NF1: variants seen among roughly 807,000 people sequenced by gnomAD.
NF1 encodes the protein neurofibromin 1, also known as neurofibromin.
Under a neutral mutation model 325.7 loss-of-function variants are expected in NF1, and 122 were observed. The ratio of observed to expected loss-of-function variants is 0.37; its 90% confidence interval spans 0.32 to 0.44. The LOEUF (loss-of-function observed/expected upper bound fraction) is 0.44, where lower values mean the gene tolerates loss of function less well. Ranked by LOEUF, NF1 falls within the 20% of genes least tolerant of loss-of-function variation. NF1 has a pLI of 1.00. For synonymous variants in NF1, 1,091 were observed against 1,186.0 expected (o/e 0.92, Z 1.65); for missense variants, 2,140 against 3,415.4 (o/e 0.63, Z 9.31).
Position 31,210,715 on chromosome 17 carries a change from A to G in NF1, c.1393-3736A>G, listed in dbSNP as rs542881697. 3.3e-5 allele frequency among the ~76,000 whole-genome samples: 5 copies of G among 152,370 alleles called. No homozygotes were observed. In the South Asian group the frequency reaches 1.0e-3, roughly 32 times the overall value. Reference sequence around the variant, plus strand: ...GATCTGATGTTAGTGATACAGATATAATACTATGATGTAATAATTGATAAA... The same window carrying G: ...GATCTGATGTTAGTGATACAGATATGATACTATGATGTAATAATTGATAAA... On this transcript the variant is annotated intron_variant, in intron 12 of 57. Coordinates refer to ENST00000358273, the MANE Select transcript of NF1 (RefSeq NM_001042492.3).
Position 31,173,876 on chromosome 17 carries a change from G to A in NF1, c.586+3879G>A, listed in dbSNP as rs193040977. Among the ~76,000 whole-genome samples, 413 of 152,294 alleles carry A rather than the reference G, an allele frequency of 2.7e-3. 3 individuals carry two copies. Among genetic ancestry groups the A allele is most frequent in the African/African-American group, 9.6e-3 (400 of 41,562 alleles). On this transcript the variant is annotated intron_variant, in intron 5 of 57. Transcript: ENST00000358273. ...TTATGGTATATAACACATTTAAGATGTCATAAAGGTAAAGTTGTTGCTAAA... is the reference window on the plus strand; with the variant it reads ...TTATGGTATATAACACATTTAAGATATCATAAAGGTAAAGTTGTTGCTAAA...
At chr17:31,279,151 G>A (rs1210527144) in intron 36 of NF1, among the ~76,000 whole-genome samples, 1 of 152,088 alleles carries the variant, frequency 6.6e-6, no homozygotes, top group East Asian at 1.9e-4. Context: ...GGAAGCTGAG[G>A]CAAGTAGATC....
At chr17:31,344,771 TTATATC>T (rs2069927161) in intron 48 of NF1, among the ~76,000 whole-genome samples, 1 of 152,246 alleles carries the variant, frequency 6.6e-6, no homozygotes, top group African/African-American at 2.4e-5. Flanking sequence ...TAATTATTCT[TTATATC>T]TAAAAGAATA....
Position 31,357,046 on chromosome 17 carries a change from G to A in NF1, c.7825G>A (p.Val2609Ile), listed in dbSNP as rs786203848. The A allele has an allele frequency of 2.5e-6, 4 of 1,613,806 alleles. No individual in the cohort carries two copies. Among genetic ancestry groups the A allele is most frequent in the Non-Finnish European group, 3.4e-6 (4 of 1,179,956 alleles). The change falls in exon 53 of 58, where the codon GTA becomes ATA. Residue 2609 changes from valine (V) to isoleucine (I), a missense_variant. Val to Ile is a conservative substitution (Grantham distance 29, BLOSUM62 3). This residue lies in a region of NF1 where 522 missense variants were observed against 749.0 expected (regional missense o/e 0.70). Coordinates refer to ENST00000358273, the MANE Select transcript of NF1 (RefSeq NM_001042492.3). ...ATCAAATGTTCTCTTGGATGAAGAAGTACTTACTGATCCGAAGATCCAGGC... is the reference window on the plus strand; with the variant it reads ...ATCAAATGTTCTCTTGGATGAAGAAATACTTACTGATCCGAAGATCCAGGC... ...SESNVLLDEE[V>I]LTDPKIQALL...
At chr17:31,122,109 G>T (rs1914488472) in intron 1 of NF1, among the ~76,000 whole-genome samples, 1 of 152,076 alleles carries the variant, frequency 6.6e-6, no homozygotes, top group South Asian at 2.1e-4. Flanking sequence ...AGTGTTTCCT[G>T]GTAGTGATAT....
At chr17:31,116,792 C>T (rs561300733) in intron 1 of NF1, among the ~76,000 whole-genome samples, 8 of 149,744 alleles carry the variant, frequency 5.3e-5, no homozygotes, top group East Asian at 4.0e-4. Context: ...CTCAGCCTCC[C>T]GAGTAGCTGG....
At chr17:31,106,702 A>T (rs925186197) in intron 1 of NF1, among the ~76,000 whole-genome samples, 1 of 152,198 alleles carries the variant, frequency 6.6e-6, no homozygotes, top group Non-Finnish European at 1.5e-5. Flanking sequence ...TAAGCATTAT[A>T]TATCCTTGAT....
At chr17:31,357,460 A>C in intron 54 of NF1, 91 bp downstream of exon 54, 1 of 959,906 alleles carries the variant, frequency 1.0e-6, no homozygotes, top group Non-Finnish European at 1.7e-6. Context: ...CAAAGAGGGC[A>C]AAATGAGATA....
chr17:31,250,146 A>G (rs1422355784), intron 30 of NF1: 1 of 351,222 alleles, frequency 2.8e-6, no homozygotes. Context: ...ATGATAAAAC[A>G]TACTTAACCT....
At chr17:31,117,672 C>CA (rs780828438) in intron 1 of NF1, among the ~76,000 whole-genome samples, 345 of 19,814 alleles carry the variant, frequency 0.017, 40 homozygotes, top group African/African-American at 0.028. Flanking sequence ...AACTCCATCT[C>CA]AAAAAAAAAA....
chr17:31,140,626 C>T (rs575235083), intron 1 of NF1, among the ~76,000 whole-genome samples: 2 of 152,284 alleles, frequency 1.3e-5, no homozygotes, highest in South Asian at 4.1e-4. Flanking sequence ...GATGAAATCA[C>T]TTCATAAAGG....
chr17:31,221,998 A>G lies in NF1; in HGVS notation c.1721+69A>G, dbSNP rs767159641. The stretch of plus-strand genomic sequence containing the variant: ...TTTGTATTTTTGTCTTGAAATATTA[A>G]CTCTGTAGTACTTAGTACATTGTAA... On this transcript the variant is annotated intron_variant, in intron 15 of 57. Coordinates refer to ENST00000358273, the MANE Select transcript of NF1 (RefSeq NM_001042492.3). 6.7e-7 allele frequency: 1 copy of G among 1,484,730 alleles called. No individual in the cohort carries two copies. 92.0% of individuals were successfully genotyped at this position (1,484,730 alleles called of 1,614,324 possible). A position where few individuals can be genotyped will look rare whatever the true frequency, so the allele number is the denominator to read the frequency against.
rs545724856 is a variant in NF1 at position 31,229,882 on chromosome 17, T to C, written c.2898T>C (p.Ala966=). The change falls in exon 22 of 58, where the codon GCT becomes GCC. Residue 966 remains alanine (A), a synonymous_variant. Coordinates refer to ENST00000358273, the MANE Select transcript of NF1 (RefSeq NM_001042492.3). ...TNTQFVEQTI[A]IMKNLLDNHT... is the part of the protein sequence containing the mutation. The stretch of plus-strand genomic sequence containing the variant: ...CTCAATTTGTAGAACAAACCATAGC[T>C]ATAATGAAGAACTTGCTAGATAATC... The C allele has an allele frequency of 6.2e-7, 1 of 1,611,842 alleles. No homozygotes were observed. The highest frequency in any genetic ancestry group is 1.7e-5 in the Admixed American group (1 of 60,012).
intron 1 of NF1, among the ~76,000 whole-genome samples, chr17:31,118,498 T>C (rs926654344): frequency 3.3e-5 from 5 of 152,068 alleles, no homozygotes; most frequent in African/African-American, 1.2e-4. Flanking sequence ...TGTCCATGTG[T>C]TTTCATTGCT....
At chr17:31,125,983 A>G (rs1224290478) in intron 1 of NF1, among the ~76,000 whole-genome samples, 2 of 152,186 alleles carry the variant, frequency 1.3e-5, no homozygotes, top group Admixed American at 6.5e-5. Flanking sequence ...ACACCTGTTC[A>G]AGGCCAGCCT....
intron 1 of NF1, chr17:31,137,171 ATC>A (rs1250323956): frequency 6.6e-6 from 1 of 151,946 alleles, no homozygotes; most frequent in Non-Finnish European, 1.5e-5. Context: ...AGGTATATGG[ATC>A]TCTATTCTGC....
At chr17:31,337,653 G>A (rs1385948626) in intron 43 of NF1, 71 bp downstream of exon 43, 1 of 1,470,794 alleles carries the variant, frequency 6.8e-7, no homozygotes, top group African/African-American at 1.4e-5. Context: ...CTATATAGAA[G>A]AAATATTGGT....
intron 36 of NF1, among the ~76,000 whole-genome samples, chr17:31,278,894 C>T (rs1200455721): frequency 6.6e-6 from 1 of 152,096 alleles, no homozygotes; most frequent in Non-Finnish European, 1.5e-5. Flanking sequence ...GAATTACAGG[C>T]GTGAGCCGCC....
chr17:31,207,266 A>G (rs144788468), intron 12 of NF1, among the ~76,000 whole-genome samples: 8 of 152,222 alleles, frequency 5.3e-5, no homozygotes, highest in Non-Finnish European at 1.2e-4. Flanking sequence ...TATAGTTACC[A>G]TTATAGTCAC....
Sources: allele counts gnomAD v4.1 joint callset (sites outside exome capture counted in the v4.1 genomes callset), GRCh38; gene constraint gnomAD v4.1.1; regional missense constraint gnomAD v4.1.1; transcripts MANE v1.5; gene names NCBI Gene and HGNC (gene_info 2026-07-23, HGNC 2026-07-21).